The following PALM2AKAP2 variants were observed in gnomAD, a reference collection of about 807,000 sequenced individuals.
PALM2AKAP2 encodes the protein PALM2 and AKAP2 fusion.
PALM2AKAP2 carries 37 observed loss-of-function variants against 71.5 expected under a neutral mutation model. That is an observed-to-expected ratio of 0.52 (90% CI 0.40 to 0.68). The LOEUF is 0.68. Among genes scored for constraint, PALM2AKAP2 ranks in the 30% least tolerant of loss-of-function variants. The pLI, the probability that PALM2AKAP2 is intolerant of heterozygous loss-of-function variation, is 0.00. For missense variants in PALM2AKAP2, 1,224 were observed against 1,191.8 expected, an observed-to-expected ratio of 1.03 and a Z score of -0.40; for synonymous variants, 468 against 478.8, an observed-to-expected ratio of 0.98 and a Z score of 0.29.
chr9:109,925,028 G>A (rs1207123979), intron 4 of PALM2AKAP2, 33 bp from the exon 5 acceptor site: 1 of 1,614,102 alleles, frequency 6.2e-7, no homozygotes, highest in Non-Finnish European at 8.5e-7. Context: ...CCCACATGTA[G>A]AGTAACGCTC....
At chr9:110,005,322 C>A (rs10980142) in intron 6 of PALM2AKAP2, among the ~76,000 whole-genome samples, 5 of 152,208 alleles carry the variant, frequency 3.3e-5, no homozygotes, top group African/African-American at 1.2e-4. Flanking sequence ...GTATCTGCAG[C>A]GGAGGCTGCA....
intron 1 of PALM2AKAP2, among the ~76,000 whole-genome samples, chr9:110,060,662 C>T (rs547936844): frequency 2.5e-4 from 38 of 151,190 alleles, no homozygotes; most frequent in Non-Finnish European, 4.3e-4. Context: ...AGTGCAGTGG[C>T]GCGATCTCGG....
chr9:109,780,165 C>A (rs1037837525), upstream of PALM2AKAP2: 1 of 445,602 alleles, frequency 2.2e-6, no homozygotes, highest in African/African-American at 2.1e-5. Context: ...AGAACTAGCG[C>A]CGGGCTAGCG....
rs749807618 is a variant in PALM2AKAP2, at chr9:109,862,937, G to A, written c.46-4554G>A. ...AAGTAGTCTTTGAGGTTGGATCATG[G>A]TAGGGGGCCATGGCTTGAGATGAAG... On this transcript the variant is annotated intron_variant, in intron 1 of 9. Transcript: ENST00000302798. The A allele has an allele frequency of 1.8e-4, 95 of 514,374 alleles. 4 individuals carry two copies. Among genetic ancestry groups the A allele is most frequent in the South Asian group, 1.2e-3 (87 of 69,884 alleles). 31.9% of individuals were successfully genotyped at this position (514,374 alleles called of 1,614,324 possible).
intron 1 of PALM2AKAP2, among the ~76,000 whole-genome samples, chr9:109,838,944 T>G (rs928593917): frequency 2.6e-5 from 4 of 152,190 alleles, no homozygotes. Context: ...ACAGCCAAAT[T>G]CTACCAGTGG....
intron 3 of PALM2AKAP2, among the ~76,000 whole-genome samples, chr9:109,892,544 G>T (rs764279388): frequency 1.3e-5 from 2 of 152,126 alleles, no homozygotes; most frequent in Non-Finnish European, 2.9e-5. Context: ...CACCTAGGAG[G>T]TTGCTCAATA....
exon 2 of PALM2AKAP2, chr9:110,136,943 G>A: frequency 6.2e-7 from 1 of 1,614,160 alleles, no homozygotes; most frequent in Non-Finnish European, 8.5e-7. Context: ...GAAGAATCCT[G>A]GCATTGCAGC....
chr9:109,719,152 AC>A (rs1245870364), intron 1 of PALM2AKAP2, among the ~76,000 whole-genome samples: 1 of 152,246 alleles, frequency 6.6e-6, no homozygotes, highest in Non-Finnish European at 1.5e-5. Context: ...ATATCGAGGA[AC>A]AAAAACAATA....
At chr9:109,905,241 GACCT>G (rs1830420549) in intron 3 of PALM2AKAP2, among the ~76,000 whole-genome samples, 1 of 152,176 alleles carries the variant, frequency 6.6e-6, no homozygotes, top group Admixed American at 6.5e-5. Context: ...CTGGGACAGT[GACCT>G]ACCCACTCAA....
intron 1 of PALM2AKAP2, among the ~76,000 whole-genome samples, chr9:109,792,137 A>G (rs943828293): frequency 2.0e-5 from 3 of 152,220 alleles, no homozygotes; most frequent in Admixed American, 6.5e-5. Flanking sequence ...TCCATACCCT[A>G]TAAGAAAACC....
At chr9:109,654,398 C>G (rs1564102495) in intron 1 of PALM2AKAP2, among the ~76,000 whole-genome samples, 1 of 152,022 alleles carries the variant, frequency 6.6e-6, no homozygotes, top group Non-Finnish European at 1.5e-5. Flanking sequence ...GAATTATCTC[C>G]AAAACTCTTT....
chr9:110,034,735 G>C (rs1480994845), intron 7 of PALM2AKAP2, among the ~76,000 whole-genome samples: 1 of 149,718 alleles, frequency 6.7e-6, no homozygotes, highest in Non-Finnish European at 1.5e-5. Context: ...CTCCTGAATA[G>C]CTGGGATTAC....
chr9:110,075,669 A>T (rs1834305093), intron 1 of PALM2AKAP2, among the ~76,000 whole-genome samples: 1 of 151,554 alleles, frequency 6.6e-6, no homozygotes, highest in Admixed American at 6.6e-5. Context: ...TCTACAATGG[A>T]CTTTTGGATC....
intron 1 of PALM2AKAP2, among the ~76,000 whole-genome samples, chr9:109,863,381 GT>G (rs1829365427): frequency 6.6e-6 from 1 of 152,182 alleles, no homozygotes; most frequent in Non-Finnish European, 1.5e-5. Flanking sequence ...CTTAAGTAGT[GT>G]CATTTGCTGA....
rs35473653 is a variant in PALM2AKAP2 at position 109,952,294 on chromosome 9, CA to C, written c.496+20275del. On this transcript the variant is annotated intron_variant, in intron 6 of 9. Coordinates refer to the PALM2AKAP2 transcript ENST00000302798. ...AGGGCCTGGTCCATAGTAAGTGCTCCAAAAAAAAAGTTTCAAAAAATTATTG... is the reference window on the plus strand; with the variant it reads ...AGGGCCTGGTCCATAGTAAGTGCTCCAAAAAAAAGTTTCAAAAAATTATTG... 4.3e-3 allele frequency among the ~76,000 whole-genome samples: 646 copies of C among 150,774 alleles called. 4 individuals are homozygous for C. The highest frequency in any genetic ancestry group is 0.029 in the East Asian group (150 of 5,156).
intron 1 of PALM2AKAP2, among the ~76,000 whole-genome samples, chr9:109,740,071 G>A (rs1828696056): frequency 1.3e-5 from 2 of 152,178 alleles, no homozygotes; most frequent in Admixed American, 1.3e-4. Flanking sequence ...AGCAATTTGA[G>A]GGAGAAGTCC....
At chr9:109,650,963 C>A (rs1355955034) in intron 1 of PALM2AKAP2, among the ~76,000 whole-genome samples, 1 of 152,134 alleles carries the variant, frequency 6.6e-6, no homozygotes. Flanking sequence ...AAAAAGAGTT[C>A]ATGAATGAGA....
intron 5 of PALM2AKAP2, among the ~76,000 whole-genome samples, chr9:109,925,900 T>C (rs1226074948): frequency 1.3e-5 from 2 of 152,192 alleles, no homozygotes; most frequent in Non-Finnish European, 1.5e-5. Context: ...TCTGCTCCCC[T>C]GGCTCTTAGA....
intron 1 of PALM2AKAP2, among the ~76,000 whole-genome samples, chr9:109,748,852 C>G (rs1828843414): frequency 6.6e-6 from 1 of 152,152 alleles, no homozygotes; most frequent in South Asian, 2.1e-4. Context: ...TATGGATGGC[C>G]ATCTTCTCCC....
Sources: allele counts gnomAD v4.1 joint callset (sites outside exome capture counted in the v4.1 genomes callset), GRCh38; gene constraint gnomAD v4.1.1; transcripts MANE v1.5; gene names NCBI Gene and HGNC (gene_info 2026-07-23, HGNC 2026-07-21).